Variants in CLSTN2 observed in about 807,000 individuals in gnomAD.
CLSTN2 encodes the protein calsyntenin 2, also known as calsyntenin-2.
A neutral mutation model predicts 101.2 loss-of-function variants in CLSTN2; 48 were observed. The observed-to-expected ratio is 0.47, with a 90% CI of 0.38 to 0.60. The LOEUF (loss-of-function observed/expected upper bound fraction) is 0.60, where lower values mean the gene tolerates loss of function less well. Among genes scored for constraint, CLSTN2 ranks in the 20% least tolerant of loss-of-function variants. CLSTN2 has a pLI of 0.00. For synonymous variants in CLSTN2, 481 were observed against 463.6 expected, an observed-to-expected ratio of 1.04 and a Z score of -0.48; for missense variants, 1,160 against 1,238.2, an observed-to-expected ratio of 0.94 and a Z score of 0.95.
In CLSTN2 at chr3:140,420,991, C is replaced by T. The variant is rs371135481; in HGVS notation, c.638-134C>T. 222 of 953,776 alleles carry T rather than the reference C, an allele frequency of 2.3e-4. 2 individuals are homozygous for T. The South Asian group carries it at 3.4e-3, about 15-fold the overall frequency. The allele number at this position is 953,776 out of a possible 1,614,324, so 59.1% of individuals were successfully genotyped here. On this transcript the variant is annotated intron_variant, in intron 4 of 16. Transcript: ENST00000458420. Reference sequence around the variant, plus strand: ...AAGTGGAGCCATGCTCCTGTTTGCCCTTGTTTTTACAAAGAGATAAGGAAA... The same window carrying T: ...AAGTGGAGCCATGCTCCTGTTTGCCTTTGTTTTTACAAAGAGATAAGGAAA...
chr3:140,479,846 A>G (rs1934074290), intron 8 of CLSTN2, among the ~76,000 whole-genome samples: 2 of 152,214 alleles, frequency 1.3e-5, no homozygotes, highest in Admixed American at 6.5e-5. Context: ...ACACCATCGT[A>G]AAGATTGAAT....
At chr3:140,175,824 C>A in intron 1 of CLSTN2, 127 bp from the exon 2 acceptor site, 1 of 935,410 alleles carries the variant, frequency 1.1e-6, no homozygotes, top group Non-Finnish European at 1.6e-6. Flanking sequence ...TTAACATGTT[C>A]CATGTCTCTC....
At chr3:140,007,828 C>A (rs1199942082) in intron 1 of CLSTN2, among the ~76,000 whole-genome samples, 1 of 152,194 alleles carries the variant, frequency 6.6e-6, no homozygotes, top group Non-Finnish European at 1.5e-5. Context: ...CAGCAGAGAA[C>A]CACTGACCTT....
intron 1 of CLSTN2, among the ~76,000 whole-genome samples, chr3:140,127,749 G>A (rs2009458666): frequency 5.9e-5 from 9 of 152,130 alleles, no homozygotes; most frequent in Admixed American, 5.2e-4. Flanking sequence ...TGGCCTCATG[G>A]GGTTGTTGTG....
chr3:140,011,277 T>C (rs2007067559), intron 1 of CLSTN2, among the ~76,000 whole-genome samples: 1 of 152,172 alleles, frequency 6.6e-6, no homozygotes, highest in Non-Finnish European at 1.5e-5. Context: ...GTTAGGCCTG[T>C]CACACCTCCT....
At chr3:140,360,034 A>ATG in intron 2 of CLSTN2, among the ~76,000 whole-genome samples, 1 of 151,644 alleles carries the variant, frequency 6.6e-6, no homozygotes, top group South Asian at 2.1e-4. Context: ...ACACATATAT[A>ATG]TATATAGTTT....
In CLSTN2 at chr3:140,513,718, T is replaced by C. The variant is rs541684283; in HGVS notation, c.1345-18606T>C. Among the ~76,000 whole-genome samples, 51 of 152,040 alleles carry C rather than the reference T, an allele frequency of 3.4e-4. 1 individual carries two copies. The highest frequency in any genetic ancestry group is 2.7e-3 in the Admixed American group (41 of 15,268). ...TAGTTTCAGTAGGAATGGTACCAGC[T>C]CTTCTTTGTACCTCTGGTAGAATTT... On this transcript the variant is annotated intron_variant, in intron 8 of 16. Coordinates refer to ENST00000458420, the MANE Select transcript of CLSTN2 (RefSeq NM_022131.3).
intron 1 of CLSTN2, among the ~76,000 whole-genome samples, chr3:140,102,205 T>G (rs536253097): frequency 6.6e-6 from 1 of 152,298 alleles, no homozygotes; most frequent in East Asian, 1.9e-4. Flanking sequence ...TCACATGCAT[T>G]GCTGCCTCCT....
intron 4 of CLSTN2, among the ~76,000 whole-genome samples, chr3:140,410,030 T>C (rs1024933250): frequency 2.0e-5 from 3 of 151,802 alleles, no homozygotes; most frequent in African/African-American, 7.3e-5. Context: ...ATAAAAAAAA[T>C]CAAGAAAGCC....
At chr3:140,532,703 G>T (rs539905500) in intron 9 of CLSTN2, among the ~76,000 whole-genome samples, 4 of 152,242 alleles carry the variant, frequency 2.6e-5, no homozygotes, top group African/African-American at 9.6e-5. Flanking sequence ...TTTTTAGATC[G>T]ACATGAGCAG....
chr3:140,226,490 G>C (rs2086321032), intron 2 of CLSTN2, among the ~76,000 whole-genome samples: 1 of 152,222 alleles, frequency 6.6e-6, no homozygotes, highest in Admixed American at 6.5e-5. Flanking sequence ...TGGATCGACA[G>C]CTAGATAGAT....
intron 2 of CLSTN2, among the ~76,000 whole-genome samples, chr3:140,372,783 A>C (rs1301113265): frequency 6.6e-6 from 1 of 152,234 alleles, no homozygotes; most frequent in Non-Finnish European, 1.5e-5. Context: ...GGAAATTCAC[A>C]GTGCAAATGA....
chr3:140,356,902 T>C (rs1299881279), intron 2 of CLSTN2, among the ~76,000 whole-genome samples: 2 of 152,192 alleles, frequency 1.3e-5, no homozygotes. Flanking sequence ...GTGGAGACCA[T>C]GCTCTGCATT....
At chr3:140,083,400 A>G (rs2008630139) in intron 1 of CLSTN2, among the ~76,000 whole-genome samples, 1 of 152,240 alleles carries the variant, frequency 6.6e-6, no homozygotes, top group Admixed American at 6.5e-5. Flanking sequence ...AAAGCTGGAA[A>G]GAAAACCTTA....
At chr3:140,320,296 T>G (rs1294140324) in intron 2 of CLSTN2, among the ~76,000 whole-genome samples, 1 of 151,976 alleles carries the variant, frequency 6.6e-6, no homozygotes, top group Non-Finnish European at 1.5e-5. Context: ...AGTTTTCAGG[T>G]AGAGATTGGG....
chr3:140,237,331 C>G (rs2086426859), intron 2 of CLSTN2, among the ~76,000 whole-genome samples: 1 of 152,154 alleles, frequency 6.6e-6, no homozygotes, highest in Admixed American at 6.6e-5. Flanking sequence ...GGTGGGAAGA[C>G]AAACTATCTG....
chr3:140,114,350 C>T (rs2009205089), intron 1 of CLSTN2, among the ~76,000 whole-genome samples: 1 of 152,126 alleles, frequency 6.6e-6, no homozygotes, highest in South Asian at 2.1e-4. Context: ...ATTAGGTCTG[C>T]CCCATGGTGC....
intron 8 of CLSTN2, among the ~76,000 whole-genome samples, chr3:140,468,009 G>T (rs1933749200): frequency 6.6e-6 from 1 of 152,218 alleles, no homozygotes; most frequent in African/African-American, 2.4e-5. Context: ...TGATGGAAAA[G>T]TTGCTAGGGG....
chr3:140,490,970 G>A (rs551923764), intron 8 of CLSTN2, among the ~76,000 whole-genome samples: 23 of 152,340 alleles, frequency 1.5e-4, no homozygotes, highest in Non-Finnish European at 2.4e-4. Flanking sequence ...GAGAGACAGA[G>A]AGAGGCAGAA....
Sources: allele counts gnomAD v4.1 joint callset (sites outside exome capture counted in the v4.1 genomes callset), GRCh38; gene constraint gnomAD v4.1.1; transcripts MANE v1.5; gene names NCBI Gene and HGNC (gene_info 2026-07-23, HGNC 2026-07-21).